The following PPP2R3A variants were observed in gnomAD, a reference collection of about 807,000 sequenced individuals.
The protein encoded by PPP2R3A is serine/threonine-protein phosphatase 2A regulatory subunit B'' subunit alpha.
Under a neutral mutation model 106.9 loss-of-function variants are expected in PPP2R3A, and 80 were observed. That is an observed-to-expected ratio of 0.75 (90% CI 0.62 to 0.90). PPP2R3A has a LOEUF of 0.90. Among genes scored for constraint, PPP2R3A ranks in the 40% least tolerant of loss-of-function variants. PPP2R3A has a pLI of 0.00. For missense variants in PPP2R3A, 1,386 were observed against 1,350.4 expected (o/e 1.03, Z -0.41); for synonymous variants, 483 against 468.3 (o/e 1.03, Z -0.41).
chr3:136,060,936 A>C (rs1033938686), intron 5 of PPP2R3A, among the ~76,000 whole-genome samples: 1 of 152,242 alleles, frequency 6.6e-6, no homozygotes, highest in African/African-American at 2.4e-5. Flanking sequence ...TTAATAACTC[A>C]ATTTAGCCAT....
intron 1 of PPP2R3A, among the ~76,000 whole-genome samples, chr3:135,998,428 A>G (rs1283571327): frequency 6.6e-6 from 1 of 152,228 alleles, no homozygotes; most frequent in East Asian, 1.9e-4. Context: ...CTTACCAGCA[A>G]TCAAGGAAAT....
intron 13 of PPP2R3A, among the ~76,000 whole-genome samples, chr3:136,140,166 G>GC (rs1441164530): frequency 6.6e-6 from 1 of 151,960 alleles, no homozygotes; most frequent in Non-Finnish European, 1.5e-5. Context: ...CTTCATTTGA[G>GC]CCCCGGGGAA....
intron 7 of PPP2R3A, among the ~76,000 whole-genome samples, chr3:136,081,699 G>A (rs557903901): frequency 1.2e-4 from 18 of 152,194 alleles, no homozygotes; most frequent in Admixed American, 3.9e-4. Flanking sequence ...GGATTTTGCC[G>A]TAGGGGAGTA....
Position 136,024,139 on chromosome 3 carries a change from T to TTG in PPP2R3A, c.1996-2693_1996-2692insTG, listed in dbSNP as rs199661055. The stretch of plus-strand genomic sequence containing the variant: ...TTATAGGGAAAGACAAATGGAGAAT[T>TTG]GAAGTATTTTACCCAGCTAATTCTA... On this transcript the variant is annotated intron_variant, in intron 2 of 13. Transcript: ENST00000264977. 4.8e-3 allele frequency among the ~76,000 whole-genome samples: 723 copies of TTG among 152,198 alleles called. 8 individuals are homozygous for TTG. The highest frequency in any genetic ancestry group is 0.016 in the African/African-American group (682 of 41,552).
In PPP2R3A at chr3:136,106,337, C is replaced by T. The variant is rs756426326; in HGVS notation, c.3329+15C>T. 2.5e-6 allele frequency: 4 copies of T among 1,605,224 alleles called. No homozygotes were observed. Among genetic ancestry groups the T allele is most frequent in the Non-Finnish European group, 3.4e-6 (4 of 1,172,334 alleles). ...TTCCAGGAAGGGTGAGTAAGTTTCC[C>T]TATGTCTTATAGAATTTTTAACAGG... On this transcript the variant is annotated intron_variant, in intron 13 of 13. Transcript: ENST00000264977.
At chr3:136,087,985 C>A (rs1936999403) in intron 9 of PPP2R3A, 54 bp downstream of exon 9, 2 of 1,452,588 alleles carry the variant, frequency 1.4e-6, no homozygotes, top group African/African-American at 1.4e-5. Context: ...AATACCATAA[C>A]CATCTCATTT....
At position 136,146,542 on chromosome 3, in the gene PPP2R3A, A is replaced by C. The variant is rs371467790; in HGVS notation, c.*1376A>C. On this transcript the variant is annotated 3_prime_UTR_variant, in exon 14 of 14. Transcript: ENST00000264977. ...AGAATTTAGGAAATAAATATGCTAT[A>C]AACAAGGTACAGTACAGTGAGAGTT... The C allele has an allele frequency of 6.6e-6, 1 of 152,176 alleles. No individual in the cohort carries two copies. The highest frequency in any genetic ancestry group is 1.5e-5 in the Non-Finnish European group (1 of 68,044). 9.4% of individuals were successfully genotyped at this position (152,176 alleles called of 1,614,324 possible). A position where few individuals can be genotyped will look rare whatever the true frequency, so the allele number is the denominator to read the frequency against.
intron 2 of PPP2R3A, among the ~76,000 whole-genome samples, chr3:136,025,986 C>CT (rs1445726765): frequency 6.6e-6 from 1 of 152,250 alleles, no homozygotes; most frequent in East Asian, 1.9e-4. Context: ...CCTCCCCTCC[C>CT]TTTTTCCTAA....
intron 6 of PPP2R3A, among the ~76,000 whole-genome samples, chr3:136,072,880 G>A (rs538384745): frequency 2.2e-4 from 33 of 152,134 alleles, no homozygotes; most frequent in Admixed American, 1.5e-3. Context: ...CTTAATGAAC[G>A]CATAGTTTGA....
chr3:136,049,431 A>G (rs748688705), intron 5 of PPP2R3A, 70 bp downstream of exon 5: 2 of 1,117,548 alleles, frequency 1.8e-6, no homozygotes, highest in Non-Finnish European at 2.7e-6. Context: ...AAAATTTACA[A>G]CTATAACATG....
chr3:136,029,213 A>G lies in PPP2R3A; in HGVS notation c.2262+2115A>G, dbSNP rs369333794. On this transcript the variant is annotated intron_variant, in intron 3 of 13. Coordinates refer to ENST00000264977, the MANE Select transcript of PPP2R3A (RefSeq NM_002718.5). ...GATTGCCTCAGGTAAGCAGACAAAGAGAAACTTTCCAGATTAGGGCATAGT... is the reference window on the plus strand; with the variant it reads ...GATTGCCTCAGGTAAGCAGACAAAGGGAAACTTTCCAGATTAGGGCATAGT... 3.3e-5 allele frequency among the ~76,000 whole-genome samples: 5 copies of G among 152,322 alleles called. No individual in the cohort carries two copies. The East Asian group carries it at 7.7e-4, about 24-fold the overall frequency.
intron 13 of PPP2R3A, among the ~76,000 whole-genome samples, chr3:136,133,890 CA>C (rs34515503): frequency 0.022 from 1,201 of 55,458 alleles, 12 homozygotes; most frequent in African/African-American, 0.057. Context: ...AACTCCATCT[CA>C]AAAAAAAAAA....
rs1559909855 is a variant in PPP2R3A at position 136,082,880 on chromosome 3, A to G, written c.2788+459A>G. On this transcript the variant is annotated intron_variant, in intron 8 of 13. Transcript: ENST00000264977. ...AATTTACTTTTGGAAATTTTGTTCC[A>G]GAAAGATACGTCTCTGCAGATGAAT... Among the ~76,000 whole-genome samples the G allele has an allele frequency of 5.9e-5, 9 of 152,370 alleles. No homozygotes were observed. The South Asian group carries it at 1.7e-3, about 28-fold the overall frequency.
chr3:135,984,825 CA>C (rs1937584570), intron 1 of PPP2R3A, among the ~76,000 whole-genome samples: 1 of 152,178 alleles, frequency 6.6e-6, no homozygotes, highest in Non-Finnish European at 1.5e-5. Context: ...ATTGGACTTA[CA>C]GTCCACATGG....
chr3:136,003,750 C>A (rs1933743338), intron 2 of PPP2R3A, among the ~76,000 whole-genome samples: 1 of 151,866 alleles, frequency 6.6e-6, no homozygotes. Flanking sequence ...TTCTTCCCAG[C>A]TCTGTGACCA....
chr3:136,007,915 A>G (rs1474190623), intron 2 of PPP2R3A, among the ~76,000 whole-genome samples: 1 of 152,192 alleles, frequency 6.6e-6, no homozygotes, highest in East Asian at 1.9e-4. Flanking sequence ...GAAGGTGAGC[A>G]TAATTTCTGT....
At chr3:136,132,083 C>T (rs1439368659) in intron 13 of PPP2R3A, among the ~76,000 whole-genome samples, 1 of 151,958 alleles carries the variant, frequency 6.6e-6, no homozygotes, top group African/African-American at 2.4e-5. Context: ...TTGATGGCTG[C>T]AGCAAACCAC....
At chr3:136,055,170 C>T (rs1341403406) in intron 5 of PPP2R3A, 2 of 767,618 alleles carry the variant, frequency 2.6e-6, no homozygotes, top group Admixed American at 5.1e-5. Context: ...TGTTCAGGAT[C>T]TCCAGTTATA....
chr3:135,966,133 C>G (rs1351958884), intron 1 of PPP2R3A, among the ~76,000 whole-genome samples: 1 of 152,054 alleles, frequency 6.6e-6, no homozygotes, highest in Non-Finnish European at 1.5e-5. Flanking sequence ...CAGGGGCGCC[C>G]GCGGAGGAGG....
Sources: allele counts gnomAD v4.1 joint callset (sites outside exome capture counted in the v4.1 genomes callset), GRCh38; gene constraint gnomAD v4.1.1; transcripts MANE v1.5; gene names NCBI Gene and HGNC (gene_info 2026-07-23, HGNC 2026-07-21).